CLSTN2: variants seen among roughly 807,000 people sequenced by gnomAD.
The protein encoded by CLSTN2 is calsyntenin-2.
Under a neutral mutation model 101.2 loss-of-function variants are expected in CLSTN2, and 48 were observed. The observed-to-expected ratio is 0.47, with a 90% CI of 0.38 to 0.60. The LOEUF (loss-of-function observed/expected upper bound fraction) is 0.60. Ranked by LOEUF, CLSTN2 falls within the 20% of genes least tolerant of loss-of-function variation. The pLI, the probability that CLSTN2 is intolerant of heterozygous loss-of-function variation, is 0.00. For missense variants in CLSTN2, 1,160 were observed against 1,238.2 expected (o/e 0.94, Z 0.95); for synonymous variants, 481 against 463.6 (o/e 1.04, Z -0.48).
intron 4 of CLSTN2, among the ~76,000 whole-genome samples, chr3:140,407,538 G>T (rs2088317133): frequency 6.6e-6 from 1 of 152,354 alleles, no homozygotes; most frequent in African/African-American, 2.4e-5. Flanking sequence ...GAGAAGCAGT[G>T]TGTGGGGATA....
intron 2 of CLSTN2, among the ~76,000 whole-genome samples, chr3:140,382,344 T>G (rs1396539187): frequency 6.6e-6 from 1 of 152,216 alleles, no homozygotes; most frequent in Non-Finnish European, 1.5e-5. Flanking sequence ...GGTGCTGGAC[T>G]GTTATGTGAA....
intron 1 of CLSTN2, among the ~76,000 whole-genome samples, chr3:139,953,008 C>T (rs569666348): frequency 1.3e-5 from 2 of 152,298 alleles, no homozygotes; most frequent in African/African-American, 2.4e-5. Flanking sequence ...CAGCCCTACC[C>T]GCTACCCCAC....
intron 2 of CLSTN2, among the ~76,000 whole-genome samples, chr3:140,341,092 C>T (rs1301450001): frequency 6.6e-6 from 1 of 152,218 alleles, no homozygotes; most frequent in African/African-American, 2.4e-5. Flanking sequence ...AAATTACTCT[C>T]CCTGACCCTT....
chr3:140,486,596 G>A (rs1321348999), intron 8 of CLSTN2, among the ~76,000 whole-genome samples: 1 of 152,192 alleles, frequency 6.6e-6, no homozygotes, highest in East Asian at 1.9e-4. Flanking sequence ...CAGGCAGAGG[G>A]AGGAGTACTC....
intron 2 of CLSTN2, among the ~76,000 whole-genome samples, chr3:140,275,541 G>A (rs1166714944): frequency 1.3e-5 from 2 of 152,142 alleles, no homozygotes; most frequent in East Asian, 3.9e-4. Context: ...CAAAATGCTG[G>A]GATTACAGGC....
chr3:140,297,420 C>T (rs936665234), intron 2 of CLSTN2, among the ~76,000 whole-genome samples: 6 of 152,172 alleles, frequency 3.9e-5, no homozygotes, highest in African/African-American at 1.2e-4. Context: ...TACATCTTCC[C>T]TTTCACTAAA....
At chr3:140,208,810 C>T (rs945662975) in intron 2 of CLSTN2, among the ~76,000 whole-genome samples, 2 of 152,126 alleles carry the variant, frequency 1.3e-5, no homozygotes, top group African/African-American at 2.4e-5. Context: ...GGCCGTGTGA[C>T]TTGTTCTCTG....
At chr3:140,497,449 G>A (rs1043475101) in intron 8 of CLSTN2, among the ~76,000 whole-genome samples, 1 of 151,930 alleles carries the variant, frequency 6.6e-6, no homozygotes, top group East Asian at 1.9e-4. Flanking sequence ...CTTCTTGACC[G>A]AACCACCTGG....
At chr3:140,443,124 C>T (rs1432267110) in intron 5 of CLSTN2, among the ~76,000 whole-genome samples, 2 of 152,248 alleles carry the variant, frequency 1.3e-5, no homozygotes, top group Non-Finnish European at 2.9e-5. Context: ...CAATATCCAG[C>T]CACTCACTTT....
At chr3:140,251,532 T>C (rs2086563322) in intron 2 of CLSTN2, among the ~76,000 whole-genome samples, 1 of 151,440 alleles carries the variant, frequency 6.6e-6, no homozygotes, top group South Asian at 2.1e-4. Context: ...CCTGATTGTT[T>C]GATGGAGTGG....
chr3:140,319,370 TG>T (rs2087260024), intron 2 of CLSTN2, among the ~76,000 whole-genome samples: 1 of 152,262 alleles, frequency 6.6e-6, no homozygotes, highest in South Asian at 2.1e-4. Flanking sequence ...CAGTGGTACT[TG>T]GGTCTGCGTG....
chr3:140,084,456 A>G (rs1295245849), intron 1 of CLSTN2, among the ~76,000 whole-genome samples: 4 of 152,202 alleles, frequency 2.6e-5, no homozygotes, highest in Non-Finnish European at 5.9e-5. Context: ...AAGGTTAGGA[A>G]TAAGTGTGTA....
At chr3:140,451,875 A>G (rs1933260058) in intron 6 of CLSTN2, among the ~76,000 whole-genome samples, 1 of 152,092 alleles carries the variant, frequency 6.6e-6, no homozygotes. Context: ...CATCCTACAA[A>G]TCTTTATTGA....
At chr3:140,040,027 T>A (rs754864426) in intron 1 of CLSTN2, among the ~76,000 whole-genome samples, 8 of 152,204 alleles carry the variant, frequency 5.3e-5, no homozygotes, top group Non-Finnish European at 1.0e-4. Context: ...GTAAAATTCA[T>A]TGTCCATCTT....
intron 8 of CLSTN2, among the ~76,000 whole-genome samples, chr3:140,521,088 T>C (rs184296254): frequency 4.7e-5 from 7 of 149,306 alleles, no homozygotes; most frequent in African/African-American, 1.7e-4. Flanking sequence ...AACATGCTCC[T>C]TTAGCTCAGC....
intron 1 of CLSTN2, among the ~76,000 whole-genome samples, chr3:140,066,274 G>A (rs1397328822): frequency 6.6e-6 from 1 of 152,220 alleles, no homozygotes; most frequent in Non-Finnish European, 1.5e-5. Flanking sequence ...AGTGTGAGCT[G>A]CAGAGCAGCC....
chr3:140,010,072 A>G (rs1370935350), intron 1 of CLSTN2, among the ~76,000 whole-genome samples: 4 of 152,190 alleles, frequency 2.6e-5, no homozygotes, highest in Admixed American at 2.6e-4. Flanking sequence ...CTTCTGTTCT[A>G]TTAAGATTAC....
At chr3:140,463,802 C>T (rs1442894614) in intron 7 of CLSTN2, among the ~76,000 whole-genome samples, 6 of 152,102 alleles carry the variant, frequency 3.9e-5, no homozygotes, top group Non-Finnish European at 8.8e-5. Flanking sequence ...AAAGGGACAT[C>T]CAGAAATGTG....
At chr3:140,274,999 G>T (rs1156633021) in intron 2 of CLSTN2, among the ~76,000 whole-genome samples, 1 of 152,128 alleles carries the variant, frequency 6.6e-6, no homozygotes, top group Non-Finnish European at 1.5e-5. Flanking sequence ...ATCCTGGAAT[G>T]GCTTTGTCTG....
Sources: gnomAD v4.1 joint callset for allele counts (sites outside exome capture counted in the v4.1 genomes callset) on GRCh38, gnomAD v4.1.1 for gene constraint, MANE v1.5 for transcripts, NCBI Gene and HGNC (gene_info 2026-07-23, HGNC 2026-07-21) for gene names.